The following MACROD2 variants were observed in gnomAD, a reference collection of about 807,000 sequenced individuals.
MACROD2 encodes mono-ADP ribosylhydrolase 2, also known as ADP-ribose glycohydrolase MACROD2.
A neutral mutation model predicts 70.4 loss-of-function variants in MACROD2; 36 were observed. That is an observed-to-expected ratio of 0.51 (90% CI 0.39 to 0.68). MACROD2 has a LOEUF of 0.68. MACROD2 is among the 30% of genes least tolerant of loss of function. The pLI is 0.00. For missense variants in MACROD2, 496 were observed against 538.4 expected (o/e 0.92, Z 0.78); for synonymous variants, 172 against 178.8 (o/e 0.96, Z 0.30).
At chr20:14,264,763 G>A (rs908138198) in intron 3 of MACROD2, among the ~76,000 whole-genome samples, 1 of 152,184 alleles carries the variant, frequency 6.6e-6, no homozygotes, top group East Asian at 1.9e-4. Context: ...GCTTAGAAGT[G>A]TTCTGGAATT....
At chr20:15,607,208 G>A (rs1179718316) in intron 8 of MACROD2, among the ~76,000 whole-genome samples, 5 of 152,220 alleles carry the variant, frequency 3.3e-5, no homozygotes, top group Non-Finnish European at 5.9e-5. Flanking sequence ...TAACATGTCA[G>A]AGGCTAAATG....
At chr20:15,086,612 T>C (rs2075750685) in intron 5 of MACROD2, among the ~76,000 whole-genome samples, 1 of 152,166 alleles carries the variant, frequency 6.6e-6, no homozygotes, top group Admixed American at 6.5e-5. Flanking sequence ...TTACCTACCC[T>C]TTAGTCTGTT....
chr20:15,051,651 A>G lies in MACROD2; in HGVS notation c.419-178289A>G, dbSNP rs575000076. Among the ~76,000 whole-genome samples, 6 of 152,282 alleles carry G rather than the reference A, an allele frequency of 3.9e-5. No homozygotes were observed. The East Asian group carries it at 9.6e-4, about 24-fold the overall frequency. On this transcript the variant is annotated intron_variant, in intron 5 of 17. Transcript: ENST00000684519. The stretch of plus-strand genomic sequence containing the variant: ...CTGGTTGTAGATGTTAATCACATCA[A>G]CAAAATAGTTTCAGAGCTGCATCTT...
At chr20:14,465,389 T>G (rs2084432054) in intron 3 of MACROD2, among the ~76,000 whole-genome samples, 2 of 152,114 alleles carry the variant, frequency 1.3e-5, no homozygotes, top group South Asian at 4.1e-4. Context: ...ATTGGCTTGG[T>G]AGATCTTCCT....
intron 5 of MACROD2, among the ~76,000 whole-genome samples, chr20:15,123,356 G>T (rs1250658116): frequency 6.6e-6 from 1 of 152,066 alleles, no homozygotes; most frequent in Non-Finnish European, 1.5e-5. Context: ...ACTTGCCCAA[G>T]ACCTGTTCTA....
chr20:15,417,458 T>C (rs1418198236), intron 6 of MACROD2, among the ~76,000 whole-genome samples: 3 of 150,472 alleles, frequency 2.0e-5, no homozygotes, highest in African/African-American at 7.3e-5. Flanking sequence ...ATTAGATGGG[T>C]ATGCTGGTGC....
intron 3 of MACROD2, among the ~76,000 whole-genome samples, chr20:14,347,798 G>A (rs947550376): frequency 1.3e-5 from 2 of 152,174 alleles, no homozygotes; most frequent in African/African-American, 2.4e-5. Context: ...CTATTAAAAC[G>A]AAGATATGGG....
At chr20:14,885,072 C>G (rs1171810343) in intron 5 of MACROD2, among the ~76,000 whole-genome samples, 2 of 152,164 alleles carry the variant, frequency 1.3e-5, no homozygotes, top group East Asian at 3.9e-4. Flanking sequence ...AACTTCTAAA[C>G]TGATTGAGAA....
chr20:15,892,818 T>C (rs1006020559), intron 10 of MACROD2: 4 of 395,070 alleles, frequency 1.0e-5, no homozygotes, highest in Admixed American at 8.8e-5. Context: ...GCAATTAAGA[T>C]TCAGCGTGTG....
At position 15,206,958 on chromosome 20, in the gene MACROD2, G is replaced by A. The variant is rs1269979208; in HGVS notation, c.419-22982G>A. Among the ~76,000 whole-genome samples, 5 of 149,878 alleles carry A rather than the reference G, an allele frequency of 3.3e-5. No homozygotes were observed. In the East Asian group the frequency reaches 7.8e-4, roughly 23 times the overall value. On this transcript the variant is annotated intron_variant, in intron 5 of 17. Transcript: ENST00000684519. The stretch of plus-strand genomic sequence containing the variant: ...TCACCTTGTTAGCCAGGATGGCCTC[G>A]ATCTCCTGACCTCATGATCCACCCG...
intron 3 of MACROD2, among the ~76,000 whole-genome samples, chr20:14,220,065 C>A (rs936780437): frequency 2.0e-5 from 3 of 152,082 alleles, no homozygotes; most frequent in Non-Finnish European, 4.4e-5. Context: ...TGGGGAGGAA[C>A]CAGTGGTGGG....
chr20:15,777,270 C>G (rs1185445358), intron 8 of MACROD2, among the ~76,000 whole-genome samples: 2 of 152,196 alleles, frequency 1.3e-5, no homozygotes, highest in African/African-American at 4.8e-5. Context: ...TAAAACTCTT[C>G]TACTTCAACC....
At chr20:15,552,262 C>CA (rs2048109748) in intron 8 of MACROD2, 1 of 152,146 alleles carries the variant, frequency 6.6e-6, no homozygotes. Flanking sequence ...TAGATGTTCA[C>CA]AGTCTTTCTT....
rs16994848 is a variant in MACROD2, at chr20:14,729,972, T to C, written c.418+45013T>C. ...GAGACTATAAAAAATTATTAAACCA[T>C]TTTTTTAGGAGAATCAAATAGAAAA... On this transcript the variant is annotated intron_variant, in intron 5 of 17. Coordinates refer to ENST00000684519, the MANE Select transcript of MACROD2 (RefSeq NM_001351661.2). Among the ~76,000 whole-genome samples, 1,554 of 148,526 alleles carry C rather than the reference T, an allele frequency of 0.01. 52 individuals are homozygous for C. The East Asian group carries it at 0.11, about 11-fold the overall frequency.
At chr20:14,659,352 C>T (rs1036466050) in intron 4 of MACROD2, among the ~76,000 whole-genome samples, 1 of 152,128 alleles carries the variant, frequency 6.6e-6, no homozygotes, top group Non-Finnish European at 1.5e-5. Flanking sequence ...TCATTAATCT[C>T]TATTCATTCT....
chr20:14,965,077 C>G (rs1398096151), intron 5 of MACROD2, among the ~76,000 whole-genome samples: 1 of 152,100 alleles, frequency 6.6e-6, no homozygotes, highest in East Asian at 1.9e-4. Context: ...TTTTGATGAA[C>G]CTGTTTTCAT....
At chr20:14,461,753 G>A (rs1452636044) in intron 3 of MACROD2, among the ~76,000 whole-genome samples, 1 of 151,502 alleles carries the variant, frequency 6.6e-6, no homozygotes, top group Non-Finnish European at 1.5e-5. Context: ...AGAACATGTG[G>A]TGTCTGGTTT....
chr20:14,575,458 C>A (rs1274596308), intron 4 of MACROD2, among the ~76,000 whole-genome samples: 1 of 152,102 alleles, frequency 6.6e-6, no homozygotes, highest in Non-Finnish European at 1.5e-5. Flanking sequence ...TAAATGATGT[C>A]TTAGTATTTA....
intron 3 of MACROD2, among the ~76,000 whole-genome samples, chr20:14,429,922 C>T (rs371767089): frequency 1.1e-4 from 17 of 152,192 alleles, no homozygotes; most frequent in African/African-American, 4.1e-4. Context: ...GTAGTAACTT[C>T]ATCATTAATG....
Sources: allele counts gnomAD v4.1 joint callset (sites outside exome capture counted in the v4.1 genomes callset), GRCh38; gene constraint gnomAD v4.1.1; transcripts MANE v1.5; gene names NCBI Gene and HGNC (gene_info 2026-07-23, HGNC 2026-07-21).